Variants in TENM3 observed in about 807,000 individuals in gnomAD.
TENM3 encodes teneurin-3.
A neutral mutation model predicts 255.1 loss-of-function variants in TENM3; 63 were observed. The ratio of observed to expected loss-of-function variants is 0.25; its 90% CI spans 0.20 to 0.30. The LOEUF (loss-of-function observed/expected upper bound fraction) is 0.30, where lower values mean the gene tolerates loss of function less well. TENM3 is among the 10% of genes least tolerant of loss of function. The probability of loss-of-function intolerance (pLI) is 1.00; values close to 1 mark genes in which losing one functional copy is unlikely to be tolerated. For synonymous variants in TENM3, 1,306 were observed against 1,322.3 expected, an observed-to-expected ratio of 0.99 and a Z score of 0.27; for missense variants, 2,929 against 3,461.1, an observed-to-expected ratio of 0.85 and a Z score of 3.86.
intron 3 of TENM3, among the ~76,000 whole-genome samples, chr4:182,555,849 G>C (rs369644621): frequency 6.8e-6 from 1 of 148,062 alleles, no homozygotes; most frequent in African/African-American, 2.5e-5. Flanking sequence ...TTTTTTCTAC[G>C]AACACTTAAG....
At chr4:182,030,775 G>A in the TENM3 span, among the ~76,000 whole-genome samples, 1 of 152,046 alleles carries the variant, frequency 6.6e-6, no homozygotes, top group African/African-American at 2.4e-5. Flanking sequence ...ATCTCATTGT[G>A]GTTTTGATAT....
chr4:181,468,075 C>T, the TENM3 span, among the ~76,000 whole-genome samples: 2 of 150,694 alleles, frequency 1.3e-5, no homozygotes, highest in East Asian at 2.0e-4. Context: ...GCAGGTGGGT[C>T]ACTTGAGCCC....
At chr4:182,009,767 C>T in the TENM3 span, among the ~76,000 whole-genome samples, 1 of 152,190 alleles carries the variant, frequency 6.6e-6, no homozygotes, top group Non-Finnish European at 1.5e-5. Context: ...GTTGGCTTAA[C>T]CAGATTCCAG....
chr4:181,990,519 G>A, the TENM3 span, among the ~76,000 whole-genome samples: 2 of 152,116 alleles, frequency 1.3e-5, no homozygotes, highest in Non-Finnish European at 2.9e-5. Flanking sequence ...CTTTCAGCCT[G>A]AAAATAATAA....
the TENM3 span, among the ~76,000 whole-genome samples, chr4:181,974,339 G>A: frequency 7.9e-5 from 12 of 152,264 alleles, no homozygotes; most frequent in East Asian, 1.5e-3. Flanking sequence ...ATGCCAAGGC[G>A]GGTGGATCAT....
In TENM3 at chr4:182,287,774, C is replaced by T. The variant is rs1253322749; in HGVS notation, c.-75-36172C>T. ...GACTACAGGCGCCCTCCACCACACC[C>T]GTCTAATTTTGTTTTCGTATTTTTA... On this transcript the variant is annotated intron_variant, in intron 1 of 27. Transcript: ENST00000511685. 5.3e-5 allele frequency among the ~76,000 whole-genome samples: 8 copies of T among 150,732 alleles called. 1 individual carries two copies. The highest frequency in any genetic ancestry group is 1.7e-4 in the African/African-American group (7 of 41,026).
the TENM3 span, among the ~76,000 whole-genome samples, chr4:181,581,752 C>A: frequency 6.9e-6 from 1 of 145,032 alleles, no homozygotes; most frequent in Non-Finnish European, 1.5e-5. Context: ...TTTTAATTTG[C>A]GACGGAGTCT....
chr4:182,353,858 C>T (rs766798253), intron 3 of TENM3, among the ~76,000 whole-genome samples: 2 of 151,754 alleles, frequency 1.3e-5, no homozygotes, highest in African/African-American at 4.8e-5. Context: ...CCCAGCTACT[C>T]GGGAGGCTGA....
the TENM3 span, among the ~76,000 whole-genome samples, chr4:181,907,728 C>T: frequency 6.6e-6 from 1 of 152,110 alleles, no homozygotes; most frequent in African/African-American, 2.4e-5. Flanking sequence ...GAATTACTCC[C>T]ATCTGGGGCA....
intron 5 of TENM3, among the ~76,000 whole-genome samples, chr4:182,636,186 C>T (rs10026939): frequency 0.23 from 34,924 of 152,002 alleles, 4,824 homozygotes; most frequent in African/African-American, 0.38. Flanking sequence ...ATGATTTCAT[C>T]ACATTGTAGG....
At chr4:182,701,210 C>CTTTTTTGTTTTTTTTTTTTTTTT (rs1757834179) in intron 12 of TENM3, among the ~76,000 whole-genome samples, 2 of 38,644 alleles carry the variant, frequency 5.2e-5, no homozygotes, top group African/African-American at 1.2e-4. Flanking sequence ...CAACTCTTGA[C>CTTTTTTGTTTTTTTTTTTTTTTT]TTTTTTTTTT....
At chr4:181,670,384 T>C in the TENM3 span, among the ~76,000 whole-genome samples, 6 of 152,232 alleles carry the variant, frequency 3.9e-5, no homozygotes, top group Admixed American at 2.6e-4. Context: ...CACAAAGTGA[T>C]ACTGCTGTAT....
chr4:181,783,218 G>A, the TENM3 span, among the ~76,000 whole-genome samples: 2 of 152,104 alleles, frequency 1.3e-5, no homozygotes, highest in Admixed American at 1.3e-4. Flanking sequence ...GTTGACAGTG[G>A]GGTGTTAAAG....
At chr4:182,191,319 C>T (rs991381771) in intron 1 of TENM3, among the ~76,000 whole-genome samples, 1 of 152,120 alleles carries the variant, frequency 6.6e-6, no homozygotes, top group African/African-American at 2.4e-5. Flanking sequence ...CAGAGGTTCT[C>T]CTTGACCCCT....
At chr4:182,363,307 GTA>G (rs1156868187) in intron 3 of TENM3, among the ~76,000 whole-genome samples, 11 of 151,620 alleles carry the variant, frequency 7.3e-5, no homozygotes, top group Non-Finnish European at 1.3e-4. Context: ...AGATGTGTGT[GTA>G]TATATATATG....
the TENM3 span, among the ~76,000 whole-genome samples, chr4:181,865,548 C>G: frequency 1.3e-5 from 2 of 152,160 alleles, no homozygotes; most frequent in South Asian, 2.1e-4. Context: ...TACCGTCACC[C>G]GCATGCCTAC....
intron 24 of TENM3, among the ~76,000 whole-genome samples, chr4:182,787,357 C>G (rs1481014193): frequency 6.6e-6 from 1 of 152,202 alleles, no homozygotes; most frequent in Non-Finnish European, 1.5e-5. Flanking sequence ...GGTTCCTCCC[C>G]CAACCACCAC....
chr4:182,583,216 C>T (rs1745676619), intron 3 of TENM3, among the ~76,000 whole-genome samples: 2 of 152,026 alleles, frequency 1.3e-5, no homozygotes, highest in African/African-American at 2.4e-5. Flanking sequence ...TGCCATTGTC[C>T]TTTACAATGT....
the TENM3 span, among the ~76,000 whole-genome samples, chr4:182,087,920 T>C: frequency 6.6e-6 from 1 of 152,200 alleles, no homozygotes; most frequent in Non-Finnish European, 1.5e-5. Flanking sequence ...GTCATTCATC[T>C]TTGTAACCCT....
Sources: allele counts gnomAD v4.1 joint callset (sites outside exome capture counted in the v4.1 genomes callset), GRCh38; gene constraint gnomAD v4.1.1; transcripts MANE v1.5; gene names NCBI Gene and HGNC (gene_info 2026-07-23, HGNC 2026-07-21).